The following HERC2 variants were observed in gnomAD, a reference collection of about 807,000 sequenced individuals.
The protein encoded by HERC2 is E3 ubiquitin-protein ligase HERC2.
Under a neutral mutation model 537.7 loss-of-function variants are expected in HERC2, and 102 were observed. The ratio of observed to expected loss-of-function variants is 0.19; its 90% CI spans 0.16 to 0.22. The LOEUF is 0.22. Ranked by LOEUF, HERC2 falls within the 10% of genes least tolerant of loss-of-function variation. The pLI is 1.00. For synonymous variants in HERC2, 2,224 were observed against 2,466.2 expected (o/e 0.90, Z 2.91); for missense variants, 4,236 against 6,198.2 (o/e 0.68, Z 10.63).
At chr15:28,120,488 G>A (rs576704357) in intron 86 of HERC2, among the ~76,000 whole-genome samples, 92 of 152,342 alleles carry the variant, frequency 6.0e-4, no homozygotes, top group Middle Eastern at 3.4e-3. Flanking sequence ...AGTTCTGCAC[G>A]CTATCATCAT....
At chr15:28,249,779 T>G (rs1407555470) in intron 20 of HERC2, among the ~76,000 whole-genome samples, 1 of 151,434 alleles carries the variant, frequency 6.6e-6, no homozygotes. Context: ...CCCGAGTAGC[T>G]GGGAATTACA....
intron 44 of HERC2, among the ~76,000 whole-genome samples, chr15:28,208,084 A>C (rs1264395377): frequency 6.6e-6 from 1 of 152,186 alleles, no homozygotes; most frequent in African/African-American, 2.4e-5. Flanking sequence ...CCAATCTTCC[A>C]ATCTCTACAA....
At chr15:28,275,195 T>C (rs1308789696) in intron 5 of HERC2, among the ~76,000 whole-genome samples, 190 bp from the exon 6 acceptor site, 1 of 152,242 alleles carries the variant, frequency 6.6e-6, no homozygotes, top group East Asian at 1.9e-4. Context: ...AAAGGAAAAG[T>C]TTTCTCTTTA....
intron 4 of HERC2, among the ~76,000 whole-genome samples, chr15:28,281,687 T>C (rs1411686305): frequency 1.3e-5 from 2 of 152,142 alleles, no homozygotes; most frequent in South Asian, 2.1e-4. Flanking sequence ...TAAGAGCTAA[T>C]AGTTATTTAA....
chr15:28,170,633 T>C (rs530531049), intron 65 of HERC2, among the ~76,000 whole-genome samples: 3 of 152,194 alleles, frequency 2.0e-5, no homozygotes, highest in Non-Finnish European at 4.4e-5. Context: ...ACCAAAAGTA[T>C]GATCTATAAA....
At chr15:28,285,414 C>T (rs966306048) in intron 4 of HERC2, among the ~76,000 whole-genome samples, 2 of 152,088 alleles carry the variant, frequency 1.3e-5, no homozygotes, top group African/African-American at 4.8e-5. Flanking sequence ...GCCTAACTCT[C>T]AGAAACTAAA....
At chr15:28,309,047 G>A (rs902981490) in intron 2 of HERC2, among the ~76,000 whole-genome samples, 1 of 152,234 alleles carries the variant, frequency 6.6e-6, no homozygotes, top group Non-Finnish European at 1.5e-5. Flanking sequence ...ATCAAGGTTT[G>A]AATTTTTAAT....
In HERC2 at chr15:28,269,351, A is replaced by G; in HGVS notation, c.1343T>C (p.Leu448Pro). 1 of 1,614,240 alleles carries G rather than the reference A, an allele frequency of 6.2e-7. No homozygotes were observed. Among genetic ancestry groups the G allele is most frequent in the Non-Finnish European group, 8.5e-7 (1 of 1,180,046 alleles). ...AATCTGTGTGACTCCCAGGTTGGCC[A>G]GGCCTTCGCACTGGATTGGACCAAT... ...NVIGPIQCEG[L>P]ANLGVTQIAC... is the part of the protein sequence containing the mutation. The change falls in exon 11 of 93, where the codon CTG becomes CCG. Residue 448 changes from leucine (L) to proline (P), a missense_variant. Transcript: ENST00000261609.
At chr15:28,278,007 A>G (rs530558901) in intron 5 of HERC2, among the ~76,000 whole-genome samples, 1 of 151,208 alleles carries the variant, frequency 6.6e-6, no homozygotes, top group Admixed American at 6.6e-5. Flanking sequence ...TATAATCCCA[A>G]CCCTTTGGGA....
intron 9 of HERC2, chr15:28,272,009 G>A (rs1402325596): frequency 3.6e-6 from 2 of 554,158 alleles, no homozygotes; most frequent in East Asian, 6.0e-5. Context: ...TTGGTTTTGT[G>A]CTGACAAGGA....
intron 5 of HERC2, among the ~76,000 whole-genome samples, chr15:28,277,210 G>A (rs1291344252): frequency 6.6e-6 from 1 of 152,134 alleles, no homozygotes; most frequent in African/African-American, 2.4e-5. Context: ...GGGTATAAAG[G>A]GCCCTTGTCC....
intron 12 of HERC2, among the ~76,000 whole-genome samples, chr15:28,267,611 C>A (rs1278490352): frequency 6.6e-6 from 1 of 152,234 alleles, no homozygotes; most frequent in East Asian, 1.9e-4. Context: ...ACAACACTGT[C>A]AGGGTTGGGC....
chr15:28,212,424 C>A (rs1899353720), intron 43 of HERC2, 21 bp downstream of exon 43: 1 of 1,608,594 alleles, frequency 6.2e-7, no homozygotes, highest in Non-Finnish European at 8.5e-7. Flanking sequence ...GCTATTTCAT[C>A]AAGAAGCACC....
chr15:28,300,397 C>T (rs1362672588), intron 2 of HERC2, among the ~76,000 whole-genome samples: 2 of 149,252 alleles, frequency 1.3e-5, no homozygotes, highest in African/African-American at 5.2e-5. Flanking sequence ...ATATAATATA[C>T]TATAATGAAA....
Position 28,124,221 on chromosome 15 carries a change from T to C in HERC2, c.13004A>G (p.Tyr4335Cys). The C allele has an allele frequency of 6.7e-7, 1 of 1,502,306 alleles. No individual in the cohort carries two copies. Among genetic ancestry groups the C allele is most frequent in the East Asian group, 2.5e-5 (1 of 40,206 alleles). The allele number at this position is 1,502,306 out of a possible 1,614,324, so 93.1% of individuals were successfully genotyped here. A position where few individuals can be genotyped will look rare whatever the true frequency, so the allele number is the denominator to read the frequency against. ...GKLPAQVPME[Y>C]NHLQEIPIIA... is the part of the protein sequence containing the mutation. ...GATGGGGATCTCCTGCAGGTGATTG[T>C]ACTCCATGGGGACCTAGAACACAGA... Residue 4335 changes from tyrosine (Y) to cysteine (C), a missense_variant, in exon 85 of 93, where the codon TAC (tyrosine) becomes TGC (cysteine). Physicochemically the swap from Tyr to Cys is radical, Grantham distance 194 (BLOSUM62 -2). Transcript: ENST00000261609.
chr15:28,127,075 T>C (rs1329127126), intron 83 of HERC2, among the ~76,000 whole-genome samples: 1 of 152,144 alleles, frequency 6.6e-6, no homozygotes, highest in Non-Finnish European at 1.5e-5. Context: ...ACCATCAGGA[T>C]TGTCAAATCC....
chr15:28,295,885 C>T (rs2076455561), intron 3 of HERC2, among the ~76,000 whole-genome samples: 1 of 152,044 alleles, frequency 6.6e-6, no homozygotes, highest in Admixed American at 6.6e-5. Context: ...GGTCCCATGG[C>T]TATGACAGAG....
chr15:28,147,618 C>A (rs181970987), intron 70 of HERC2, among the ~76,000 whole-genome samples: 319 of 149,798 alleles, frequency 2.1e-3, no homozygotes, highest in African/African-American at 8.0e-3. Context: ...ACCTGGGCGA[C>A]AAAGTGACAA....
chr15:28,195,592 T>C (rs7169925), intron 52 of HERC2, among the ~76,000 whole-genome samples: 11,350 of 151,568 alleles, frequency 0.075, 1,437 homozygotes, highest in African/African-American at 0.26. Context: ...ATAAATCTTA[T>C]ATGGTTTCAC....
Sources: gnomAD v4.1 joint callset for allele counts (sites outside exome capture counted in the v4.1 genomes callset) on GRCh38, gnomAD v4.1.1 for gene constraint, MANE v1.5 for transcripts, NCBI Gene and HGNC (gene_info 2026-07-23, HGNC 2026-07-21) for gene names.